COL1A2: variants seen among roughly 807,000 people sequenced by gnomAD.
The protein encoded by COL1A2 is collagen alpha-2(I) chain.
Under a neutral mutation model 174.3 loss-of-function variants are expected in COL1A2, and 49 were observed. The ratio of observed to expected loss-of-function variants is 0.28; its 90% CI spans 0.22 to 0.36. COL1A2 has a LOEUF of 0.36. Ranked by LOEUF, COL1A2 falls within the 10% of genes least tolerant of loss-of-function variation. The pLI, the probability that COL1A2 is intolerant of heterozygous loss-of-function variation, is 1.00. For synonymous variants in COL1A2, 655 were observed against 606.6 expected (o/e 1.08, Z -1.17); for missense variants, 1,438 against 1,822.7 (o/e 0.79, Z 3.84).
At chr7:94,416,716 G>A (rs1316675856) in intron 31 of COL1A2, 2 of 576,828 alleles carry the variant, frequency 3.5e-6, no homozygotes, top group African/African-American at 1.9e-5. Flanking sequence ...AAAATTCAGA[G>A]TTCCCAAAAC....
intron 46 of COL1A2, 93 bp from the exon 47 acceptor site, chr7:94,426,915 A>G: frequency 9.1e-7 from 1 of 1,102,452 alleles, no homozygotes; most frequent in Non-Finnish European, 1.4e-6. Flanking sequence ...GAGTCCATTT[A>G]ACTAAAGTTT....
chr7:94,422,603 G>A, intron 39 of COL1A2: 2 of 213,044 alleles, frequency 9.4e-6, no homozygotes, highest in East Asian at 1.2e-4. Flanking sequence ...AAAAAGAAAA[G>A]GCAAAGTCCT....
chr7:94,426,373 G>A (rs1371869060), intron 45 of COL1A2, 50 bp from the exon 46 acceptor site: 2 of 1,479,656 alleles, frequency 1.4e-6, no homozygotes, highest in East Asian at 2.4e-5. Flanking sequence ...TGAAGTGAGT[G>A]CCATTTTTTT....
chr7:94,396,217 G>A (rs1333900221), intron 1 of COL1A2, among the ~76,000 whole-genome samples: 1 of 152,012 alleles, frequency 6.6e-6, no homozygotes, highest in East Asian at 1.9e-4. Flanking sequence ...ACTAGATGGG[G>A]GATGGTATTG....
rs141980217 is a variant in COL1A2 at position 94,401,769 on chromosome 7, T to C, written c.279+149T>C. 0.012 allele frequency: 5,192 copies of C among 420,414 alleles called. 55 individuals carry two copies. The highest frequency in any genetic ancestry group is 0.017 in the Non-Finnish European group (3,921 of 231,064). 26.0% of individuals were successfully genotyped at this position (420,414 alleles called of 1,614,324 possible). A position where few individuals can be genotyped will look rare whatever the true frequency, so the allele number is the denominator to read the frequency against. On this transcript the variant is annotated intron_variant, in intron 6 of 51. Coordinates refer to ENST00000297268, the MANE Select transcript of COL1A2 (RefSeq NM_000089.4). Reference sequence around the variant, plus strand: ...ACAACTCTTTTTGTTTTCAAATTTATGAAAACATAAGTTAAGGAGTTCACT... The same window carrying C: ...ACAACTCTTTTTGTTTTCAAATTTACGAAAACATAAGTTAAGGAGTTCACT...
At chr7:94,410,864 C>G in intron 21 of COL1A2, 25 bp from the exon 22 acceptor site, 1 of 1,611,314 alleles carries the variant, frequency 6.2e-7, no homozygotes, top group South Asian at 1.1e-5. Flanking sequence ...CTTTAATTCT[C>G]TCTATTTCAT....
At chr7:94,422,918 A>T in intron 39 of COL1A2, 39 bp from the exon 40 acceptor site, 1 of 1,613,302 alleles carries the variant, frequency 6.2e-7, no homozygotes, top group Non-Finnish European at 8.5e-7. Context: ...GCCCTTGGTG[A>T]TTAACAGAAA....
intron 2 of COL1A2, among the ~76,000 whole-genome samples, chr7:94,398,061 C>A (rs899350965): frequency 2.0e-5 from 3 of 152,086 alleles, no homozygotes; most frequent in African/African-American, 7.2e-5. Context: ...GAAGATTTCA[C>A]TGAGCTAGAG....
At chr7:94,421,867 G>A (rs750692306) in intron 38 of COL1A2, 32 bp from the exon 39 acceptor site, 1 of 1,597,014 alleles carries the variant, frequency 6.3e-7, no homozygotes, top group East Asian at 2.3e-5. Context: ...AGTTGATGTT[G>A]ACTGTGGAAT....
rs1427359812 is a variant in COL1A2, at chr7:94,405,717, A to C, written c.531A>C (p.Lys177Asn). 11 of 1,613,470 alleles carry C rather than the reference A, an allele frequency of 6.8e-6. No homozygotes were observed. Among genetic ancestry groups the C allele is most frequent in the Non-Finnish European group, 9.3e-6 (11 of 1,179,410 alleles). The change falls in exon 11 of 52, where the codon AAA (lysine) becomes AAC (asparagine). Residue 177 changes from lysine to asparagine, a missense_variant. Lys to Asn is a moderately conservative substitution (Grantham distance 94, BLOSUM62 0). Coordinates refer to ENST00000297268, the MANE Select transcript of COL1A2 (RefSeq NM_000089.4). ...FPGTPGLPGFKGIRGHNGLDG... is the reference protein window; with the variant it reads ...FPGTPGLPGFNGIRGHNGLDG... ...GAACTCCTGGACTTCCTGGCTTCAA[A>C]GGCATTAGGGTGAGCACATTCTTTA...
rs1792329797 is a variant in COL1A2, at chr7:94,428,352, G to T, written c.3586G>T (p.Asp1196Tyr). The T allele has an allele frequency of 6.2e-7, 1 of 1,614,122 alleles. No individual in the cohort carries two copies. ...TATGGATGCTATCAAAGTATACTGTGATTTCTCTACTGGCGAAACCTGTAT... is the reference window on the plus strand; with the variant it reads ...TATGGATGCTATCAAAGTATACTGTTATTTCTCTACTGGCGAAACCTGTAT... ...CTMDAIKVYC[D>Y]FSTGETCIRA... Residue 1196 changes from aspartate (D) to tyrosine (Y), a missense_variant, in exon 50 of 52, where the codon GAT becomes TAT. Physicochemically the swap from Asp to Tyr is radical, Grantham distance 160 (BLOSUM62 -3). Around this residue, in one of 3 missense-constraint regions of COL1A2, gnomAD observed 290 missense variants for 298.1 expected, o/e 0.97. Coordinates refer to ENST00000297268, the MANE Select transcript of COL1A2 (RefSeq NM_000089.4).
At position 94,424,245 on chromosome 7, in the gene COL1A2, C is replaced by A. The variant is rs1792227900; in HGVS notation, c.2566-91C>A. 2.8e-6 allele frequency: 3 copies of A among 1,090,736 alleles called. 1 individual carries two copies. The highest frequency in any genetic ancestry group is 2.5e-5 in the South Asian group (2 of 78,760). The allele number at this position is 1,090,736 out of a possible 1,614,324, so 67.6% of individuals were successfully genotyped here. ...AGGAGGTCATTAGCCTTTTTCTAAGCTGAAGACAGTTTATTCTCACAATCT... is the reference window on the plus strand; with the variant it reads ...AGGAGGTCATTAGCCTTTTTCTAAGATGAAGACAGTTTATTCTCACAATCT... On this transcript the variant is annotated intron_variant, in intron 40 of 51. Coordinates refer to ENST00000297268, the MANE Select transcript of COL1A2 (RefSeq NM_000089.4).
At position 94,430,986 on chromosome 7, in the gene COL1A2, G is replaced by A. The variant is rs1331846745; in HGVS notation, c.*593G>A. The stretch of plus-strand genomic sequence containing the variant: ...GTGTGGTGTATTTTTTAAAAAATTT[G>A]ATTTAGCATTCATATTTTCCATCTT... On this transcript the variant is annotated 3_prime_UTR_variant, in exon 52 of 52. Coordinates refer to ENST00000297268, the MANE Select transcript of COL1A2 (RefSeq NM_000089.4). 2 of 152,594 alleles carry A rather than the reference G, an allele frequency of 1.3e-5. No homozygotes were observed. The highest frequency in any genetic ancestry group is 6.6e-5 in the Admixed American group (1 of 15,264). The allele number at this position is 152,594 out of a possible 1,614,324, so 9.5% of individuals were successfully genotyped here. A position where few individuals can be genotyped will look rare whatever the true frequency, so the allele number is the denominator to read the frequency against.
chr7:94,412,744 T>G, intron 25 of COL1A2, 62 bp downstream of exon 25: 1 of 1,409,694 alleles, frequency 7.1e-7, no homozygotes, highest in Non-Finnish European at 1.0e-6. Context: ...TACCAAACTC[T>G]AGTATTTATC....
At position 94,430,522 on chromosome 7, in the gene COL1A2, G is replaced by A. The variant is rs1403993787; in HGVS notation, c.*129G>A. On this transcript the variant is annotated 3_prime_UTR_variant, in exon 52 of 52. Coordinates refer to ENST00000297268, the MANE Select transcript of COL1A2 (RefSeq NM_000089.4). ...CTGCACATCTACTTGCTTAAATTGT[G>A]GGCAAAAGAGAAAAAGAAGGATTGA... The A allele has an allele frequency of 2.1e-6, 2 of 963,332 alleles. No homozygotes were observed. Among genetic ancestry groups the A allele is most frequent in the Non-Finnish European group, 3.1e-6 (2 of 640,524 alleles). The allele number at this position is 963,332 out of a possible 1,614,324, so 59.7% of individuals were successfully genotyped here.
chr7:94,422,430 T>C (rs926542288), intron 39 of COL1A2: 6 of 160,020 alleles, frequency 3.7e-5, no homozygotes, highest in African/African-American at 1.4e-4. Context: ...GAAAAAAAAA[T>C]AGCAAAGATG....
In COL1A2 at chr7:94,430,675, A is replaced by C; in HGVS notation, c.*282A>C. 2.5e-6 allele frequency: 1 copy of C among 396,758 alleles called. No individual in the cohort carries two copies. Among genetic ancestry groups the C allele is most frequent in the South Asian group, 3.2e-5 (1 of 31,260 alleles). 24.6% of individuals were successfully genotyped at this position (396,758 alleles called of 1,614,324 possible). A position where few individuals can be genotyped will look rare whatever the true frequency, so the allele number is the denominator to read the frequency against. On this transcript the variant is annotated 3_prime_UTR_variant, in exon 52 of 52. Transcript: ENST00000297268. ...CCTTTGTAAGAAAACCAAAATAAAA[A>C]TTGAAAAATAAAAACCATAAACATT...
At chr7:94,395,201 C>T (rs767004111) in intron 1 of COL1A2, 100 bp downstream of exon 1, 76 of 933,380 alleles carry the variant, frequency 8.1e-5, no homozygotes, top group Non-Finnish European at 1.2e-4. Context: ...ATTCCAGGTA[C>T]ACTTGGAGGG....
intron 41 of COL1A2, chr7:94,424,810 A>G: frequency 2.1e-6 from 1 of 474,910 alleles, no homozygotes; most frequent in South Asian, 2.2e-5. Flanking sequence ...CGTGACAACA[A>G]CTAGAAACCA....
Sources: gnomAD v4.1 joint callset for allele counts (sites outside exome capture counted in the v4.1 genomes callset) on GRCh38, gnomAD v4.1.1 for gene constraint, gnomAD v4.1.1 regional missense constraint, MANE v1.5 for transcripts, NCBI Gene and HGNC (gene_info 2026-07-23, HGNC 2026-07-21) for gene names.